Variants in MED28 observed in about 807,000 individuals in gnomAD.
MED28 encodes mediator complex subunit 28, also known as mediator of RNA polymerase II transcription subunit 28.
Under a neutral mutation model 21.3 loss-of-function variants are expected in MED28, and 26 were observed. The observed-to-expected ratio is 1.22, with a 90% CI of 0.89 to 1.69. The LOEUF is 1.69. MED28 is among the 40% of genes most tolerant of loss of function. The pLI is 0.00. For missense variants in MED28, 257 were observed against 215.4 expected, an observed-to-expected ratio of 1.19 and a Z score of -1.21; for synonymous variants, 110 against 87.6, an observed-to-expected ratio of 1.26 and a Z score of -1.43.
chr4:17,620,224 T>C (rs1224663713), intron 2 of MED28: 2 of 428,292 alleles, frequency 4.7e-6, no homozygotes, highest in African/African-American at 2.0e-5. Flanking sequence ...TGTGTACTGC[T>C]TTTTAAAAAA....
chr4:17,615,350 A>G (rs890423998), intron 1 of MED28, among the ~76,000 whole-genome samples: 6 of 152,192 alleles, frequency 3.9e-5, no homozygotes, highest in East Asian at 1.9e-4. Context: ...GTTTTGCCCA[A>G]GGAGTTTACC....
Position 17,632,686 on chromosome 4 carries a change from AC to A in MED28, c.*8891del. ...AAAACTATGCAAGAAGCAGCTTAAT[AC>A]CCACCATCTTTTCAGGGAAAGATAA... On this transcript the variant is annotated 3_prime_UTR_variant, in exon 4 of 4. Coordinates refer to ENST00000237380, the MANE Select transcript of MED28 (RefSeq NM_025205.5). The A allele has an allele frequency of 1.8e-6, 2 of 1,101,968 alleles. No individual in the cohort carries two copies. The highest frequency in any genetic ancestry group is 1.4e-5 in the South Asian group (1 of 72,092). The allele number at this position is 1,101,968 out of a possible 1,614,324, so 68.3% of individuals were successfully genotyped here.
rs146604205 is a variant in MED28 at position 17,620,692 on chromosome 4, CT to C, written c.226+746del. Among the ~76,000 whole-genome samples, 138 of 108,844 alleles carry C rather than the reference CT, an allele frequency of 1.3e-3. 2 individuals are homozygous for C. The highest frequency in any genetic ancestry group is 3.5e-3 in the African/African-American group (98 of 27,976). 71.4% of individuals were successfully genotyped at this position (108,844 alleles called of 152,430 possible). A position where few individuals can be genotyped will look rare whatever the true frequency, so the allele number is the denominator to read the frequency against. On this transcript the variant is annotated intron_variant, in intron 2 of 3. Transcript: ENST00000237380. The stretch of plus-strand genomic sequence containing the variant: ...TGATTGCTGGATCTCTGCATTGTCT[CT>C]TTTTTTTTTTTTTTTTTTTTGGAGA...
chr4:17,620,709 TTTTTG>T (rs1407335911), intron 2 of MED28, among the ~76,000 whole-genome samples: 1 of 149,816 alleles, frequency 6.7e-6, no homozygotes, highest in African/African-American at 2.5e-5. Flanking sequence ...TTTTTTTTTT[TTTTTG>T]GAGACAGAGT....
At position 17,628,620 on chromosome 4, in the gene MED28, C is replaced by T. The variant is rs1714835161; in HGVS notation, c.*4822C>T. On this transcript the variant is annotated 3_prime_UTR_variant, in exon 4 of 4. Transcript: ENST00000237380. ...CTTTGGCTGAAGGCATTCACACCCC[C>T]CAGTGAATGTCTTGCACTTCTAATT... 6.6e-6 allele frequency: 1 copy of T among 152,078 alleles called. No homozygotes were observed. The highest frequency in any genetic ancestry group is 1.5e-5 in the Non-Finnish European group (1 of 68,032). The allele number at this position is 152,078 out of a possible 1,614,324, so 9.4% of individuals were successfully genotyped here.
rs1218704186 is a variant in MED28, at chr4:17,632,869, T to A, written c.*9071T>A. The A allele has an allele frequency of 1.1e-5, 4 of 355,478 alleles. No homozygotes were observed. Among genetic ancestry groups the A allele is most frequent in the Non-Finnish European group, 2.1e-5 (4 of 188,430 alleles). The allele number at this position is 355,478 out of a possible 1,614,324, so 22.0% of individuals were successfully genotyped here. A position where few individuals can be genotyped will look rare whatever the true frequency, so the allele number is the denominator to read the frequency against. On this transcript the variant is annotated 3_prime_UTR_variant, in exon 4 of 4. Coordinates refer to ENST00000237380, the MANE Select transcript of MED28 (RefSeq NM_025205.5). ...TGGTTCTCCATTGTTCCTTTGAGAC[T>A]TAGTGGTTGTAGCTCTAATAATGCA...
chr4:17,615,081 C>T (rs1248916767), intron 1 of MED28, among the ~76,000 whole-genome samples: 1 of 152,210 alleles, frequency 6.6e-6, no homozygotes, highest in African/African-American at 2.4e-5. Flanking sequence ...GATTCCCAGC[C>T]GGTCCTTAGT....
Position 17,627,397 on chromosome 4 carries a change from ATCT to A in MED28, c.*3604_*3606del, listed in dbSNP as rs1323365770. ...GAGCCACCGTGCCCAGCCCATCTTC[ATCT>A]TCTTTACTTGAACTTAATTCTTTTT... On this transcript the variant is annotated 3_prime_UTR_variant, in exon 4 of 4. Transcript: ENST00000237380. 2 of 152,420 alleles carry A rather than the reference ATCT, an allele frequency of 1.3e-5. No homozygotes were observed. The highest frequency in any genetic ancestry group is 4.8e-5 in the African/African-American group (2 of 41,444). The allele number at this position is 152,420 out of a possible 1,614,324, so 9.4% of individuals were successfully genotyped here.
In MED28 at chr4:17,632,670, C is replaced by T. The variant is rs746943927; in HGVS notation, c.*8872C>T. The T allele has an allele frequency of 1.5e-6, 2 of 1,311,582 alleles. No homozygotes were observed. The highest frequency in any genetic ancestry group is 2.1e-6 in the Non-Finnish European group (2 of 935,642). 81.2% of individuals were successfully genotyped at this position (1,311,582 alleles called of 1,614,324 possible). A position where few individuals can be genotyped will look rare whatever the true frequency, so the allele number is the denominator to read the frequency against. Reference sequence around the variant, plus strand: ...TTTTTATATGGTTTTGAAAACTATGCAAGAAGCAGCTTAATACCCACCATC... The same window carrying T: ...TTTTTATATGGTTTTGAAAACTATGTAAGAAGCAGCTTAATACCCACCATC... On this transcript the variant is annotated 3_prime_UTR_variant, in exon 4 of 4. Transcript: ENST00000237380.
rs1484535363 is a variant in MED28 at position 17,629,296 on chromosome 4, A to G, written c.*5498A>G. 6.6e-6 allele frequency: 1 copy of G among 152,192 alleles called. No individual in the cohort carries two copies. Among genetic ancestry groups the G allele is most frequent in the Non-Finnish European group, 1.5e-5 (1 of 68,066 alleles). The allele number at this position is 152,192 out of a possible 1,614,324, so 9.4% of individuals were successfully genotyped here. On this transcript the variant is annotated 3_prime_UTR_variant, in exon 4 of 4. Transcript: ENST00000237380. ...TGAGGTGACGGTAGAGATCAGTGCT[A>G]CCCTTGGAAATCTGACAGATACAGT...
In MED28 at chr4:17,633,529, C is replaced by G. The variant is rs1715027770; in HGVS notation, c.*9731C>G. ...GATGGAGTCCACCTTTTGTATAACCCATGCTGAAGTTTTCAGGTAAGTGAT... is the reference window on the plus strand; with the variant it reads ...GATGGAGTCCACCTTTTGTATAACCGATGCTGAAGTTTTCAGGTAAGTGAT... On this transcript the variant is annotated 3_prime_UTR_variant, in exon 4 of 4. Transcript: ENST00000237380. 3.8e-5 allele frequency: 23 copies of G among 608,762 alleles called. No individual in the cohort carries two copies. In the East Asian group the frequency reaches 7.2e-4, roughly 19 times the overall value. The allele number at this position is 608,762 out of a possible 1,614,324, so 37.7% of individuals were successfully genotyped here. A position where few individuals can be genotyped will look rare whatever the true frequency, so the allele number is the denominator to read the frequency against.
At position 17,625,783 on chromosome 4, in the gene MED28, G is replaced by A. The variant is rs960928411; in HGVS notation, c.*1985G>A. 1.3e-5 allele frequency: 5 copies of A among 397,742 alleles called. No individual in the cohort carries two copies. The highest frequency in any genetic ancestry group is 8.3e-5 in the African/African-American group (4 of 47,934). 24.6% of individuals were successfully genotyped at this position (397,742 alleles called of 1,614,324 possible). A position where few individuals can be genotyped will look rare whatever the true frequency, so the allele number is the denominator to read the frequency against. On this transcript the variant is annotated 3_prime_UTR_variant, in exon 4 of 4. Coordinates refer to ENST00000237380, the MANE Select transcript of MED28 (RefSeq NM_025205.5). Reference sequence around the variant, plus strand: ...TGTGGAATGCCCTCTGCCAAGCACTGCTCTGGTACTGGGGAGTGGAGTATT... The same window carrying A: ...TGTGGAATGCCCTCTGCCAAGCACTACTCTGGTACTGGGGAGTGGAGTATT...
intron 3 of MED28, among the ~76,000 whole-genome samples, chr4:17,622,831 T>C (rs578242870): frequency 6.6e-6 from 1 of 152,266 alleles, no homozygotes; most frequent in African/African-American, 2.4e-5. Flanking sequence ...ACATCTCACA[T>C]GGTGGCAGAC....
Position 17,633,635 on chromosome 4 carries a change from C to A in MED28, c.*9837C>A. On this transcript the variant is annotated 3_prime_UTR_variant, in exon 4 of 4. Coordinates refer to ENST00000237380, the MANE Select transcript of MED28 (RefSeq NM_025205.5). Reference sequence around the variant, plus strand: ...GGTGCTAGAAAGAATCCTACTTCCCCTCTTATCTACAGGGAAATAGAATAA... The same window carrying A: ...GGTGCTAGAAAGAATCCTACTTCCCATCTTATCTACAGGGAAATAGAATAA... 5.8e-6 allele frequency: 8 copies of A among 1,373,174 alleles called. No individual in the cohort carries two copies. Among genetic ancestry groups the A allele is most frequent in the Non-Finnish European group, 5.7e-6 (6 of 1,050,408 alleles). 85.1% of individuals were successfully genotyped at this position (1,373,174 alleles called of 1,614,324 possible).
chr4:17,625,470 A>C lies in MED28; in HGVS notation c.*1672A>C, dbSNP rs1432450610. The stretch of plus-strand genomic sequence containing the variant: ...GCAGCTTTGTATTTCTTGACTAAAA[A>C]CCTAAATAAACTGATTAGGTTTTAG... On this transcript the variant is annotated 3_prime_UTR_variant, in exon 4 of 4. Transcript: ENST00000237380. 1 of 253,806 alleles carries C rather than the reference A, an allele frequency of 3.9e-6. No homozygotes were observed. The allele number at this position is 253,806 out of a possible 1,614,324, so 15.7% of individuals were successfully genotyped here. A position where few individuals can be genotyped will look rare whatever the true frequency, so the allele number is the denominator to read the frequency against.
At chr4:17,623,546 C>G in intron 3 of MED28, 55 bp from the exon 4 acceptor site, 1 of 1,553,328 alleles carries the variant, frequency 6.4e-7, no homozygotes, top group African/African-American at 1.4e-5. Flanking sequence ...CTAACCAGAA[C>G]CGTATGTGTT....
intron 1 of MED28, among the ~76,000 whole-genome samples, chr4:17,615,711 G>T (rs953544822): frequency 1.3e-5 from 2 of 152,154 alleles, no homozygotes; most frequent in Admixed American, 1.3e-4. Context: ...TCGAGAGGCT[G>T]AGGCAGGAGA....
In MED28 at chr4:17,628,962, G is replaced by T. The variant is rs1326197425; in HGVS notation, c.*5164G>T. 1 of 152,390 alleles carries T rather than the reference G, an allele frequency of 6.6e-6. No individual in the cohort carries two copies. Among genetic ancestry groups the T allele is most frequent in the Non-Finnish European group, 1.5e-5 (1 of 68,230 alleles). The allele number at this position is 152,390 out of a possible 1,614,324, so 9.4% of individuals were successfully genotyped here. ...CTGTTCCCTGCAGAGGGATAGTGAG[G>T]AACTGATGAGGTGACTGTGAGTGCC... On this transcript the variant is annotated 3_prime_UTR_variant, in exon 4 of 4. Coordinates refer to ENST00000237380, the MANE Select transcript of MED28 (RefSeq NM_025205.5).
rs1714883510 is a variant in MED28, at chr4:17,630,227, ATAAAG to A, written c.*6430_*6434del. The A allele has an allele frequency of 6.6e-6, 1 of 152,182 alleles. No individual in the cohort carries two copies. Among genetic ancestry groups the A allele is most frequent in the Admixed American group, 6.5e-5 (1 of 15,276 alleles). 9.4% of individuals were successfully genotyped at this position (152,182 alleles called of 1,614,324 possible). A position where few individuals can be genotyped will look rare whatever the true frequency, so the allele number is the denominator to read the frequency against. Reference sequence around the variant, plus strand: ...TATGTAGTCTTTTTGAAAGCACAAAATAAAGAGCAGTCCTACAGGGTTCACTGCTA... The same window carrying A: ...TATGTAGTCTTTTTGAAAGCACAAAAAGCAGTCCTACAGGGTTCACTGCTA... On this transcript the variant is annotated 3_prime_UTR_variant, in exon 4 of 4. Transcript: ENST00000237380.
Sources: gnomAD v4.1 joint callset for allele counts (sites outside exome capture counted in the v4.1 genomes callset) on GRCh38, gnomAD v4.1.1 for gene constraint, MANE v1.5 for transcripts, NCBI Gene and HGNC (gene_info 2026-07-23, HGNC 2026-07-21) for gene names.